SLC44A5: variants seen among roughly 807,000 people sequenced by gnomAD.
The protein encoded by SLC44A5 is solute carrier family 44 member 5, also known as choline transporter-like protein 5.
A neutral mutation model predicts 101.8 loss-of-function variants in SLC44A5; 57 were observed. That is an observed-to-expected ratio of 0.56 (90% CI 0.45 to 0.70). The LOEUF (loss-of-function observed/expected upper bound fraction) is 0.70, where lower values mean the gene tolerates loss of function less well. Among genes scored for constraint, SLC44A5 ranks in the 30% least tolerant of loss-of-function variants. The pLI is 0.00. For synonymous variants in SLC44A5, 281 were observed against 290.9 expected, an observed-to-expected ratio of 0.97 and a Z score of 0.35; for missense variants, 737 against 853.1, an observed-to-expected ratio of 0.86 and a Z score of 1.70.
chr1:75,689,019 C>T, the SLC44A5 span, among the ~76,000 whole-genome samples: 3 of 152,144 alleles, frequency 2.0e-5, 1 homozygote, highest in South Asian at 4.1e-4. Context: ...CTTAAGAATG[C>T]TTTCTTTTGT....
At chr1:75,712,012 T>C in the SLC44A5 span, among the ~76,000 whole-genome samples, 1 of 152,226 alleles carries the variant, frequency 6.6e-6, no homozygotes, top group Admixed American at 6.5e-5. Flanking sequence ...TCTCAAAGGA[T>C]TTTGGCATTT....
chr1:75,213,752 T>A lies in SLC44A5; in HGVS notation c.1915A>T (p.Ile639Phe). 1 of 1,613,210 alleles carries A rather than the reference T, an allele frequency of 6.2e-7. No homozygotes were observed. Among genetic ancestry groups the A allele is most frequent in the Non-Finnish European group, 8.5e-7 (1 of 1,179,346 alleles). The change falls in exon 22 of 24, where the codon ATT becomes TTT. Residue 639 changes from isoleucine (I) to phenylalanine (F), a missense_variant. By Grantham distance (21) the Ile-to-Phe change is conservative. Coordinates refer to ENST00000370859, the MANE Select transcript of SLC44A5 (RefSeq NM_001130058.2). Reference protein sequence around the residue: ...FLFFTQRLPVIAQGPASLNYY... With the variant: ...FLFFTQRLPVFAQGPASLNYY... The stretch of plus-strand genomic sequence containing the variant: ...TTTAAAGATGCTGGTCCTTGTGCAA[T>A]CACTGGCAGTCTTTGTGTGAAGAAT...
the SLC44A5 span, among the ~76,000 whole-genome samples, chr1:75,631,347 T>A: frequency 6.6e-6 from 1 of 152,068 alleles, no homozygotes. Context: ...TGCTAGGGTA[T>A]CTGTGACTTC....
the SLC44A5 span, among the ~76,000 whole-genome samples, chr1:75,671,868 T>C: frequency 6.6e-6 from 1 of 152,246 alleles, no homozygotes; most frequent in African/African-American, 2.4e-5. Flanking sequence ...CTATTTCTTT[T>C]TATTTTCACA....
intron 1 of SLC44A5, among the ~76,000 whole-genome samples, chr1:75,550,062 AGATTATTCT>A (rs967933433): frequency 6.6e-5 from 10 of 152,154 alleles, no homozygotes; most frequent in African/African-American, 2.4e-4. Context: ...CATTTTTAAA[AGATTATTCT>A]GCTGAGTTGA....
upstream of SLC44A5, among the ~76,000 whole-genome samples, chr1:75,614,506 A>G (rs1174867864): frequency 6.6e-6 from 1 of 152,234 alleles, no homozygotes; most frequent in Non-Finnish European, 1.5e-5. Context: ...CGGAGCAATT[A>G]AAAAGCAAGC....
chr1:75,573,181 C>G (rs10874366), intron 1 of SLC44A5, among the ~76,000 whole-genome samples: 1 of 110,580 alleles, frequency 9.0e-6, no homozygotes, highest in African/African-American at 4.3e-5. Context: ...GGTACTAAAG[C>G]AAGAAATAAT....
the SLC44A5 span, among the ~76,000 whole-genome samples, chr1:75,665,366 T>C: frequency 9.2e-5 from 14 of 152,156 alleles, no homozygotes; most frequent in Non-Finnish European, 1.5e-4. Context: ...GAACTCTCTA[T>C]TCAATAAATG....
At chr1:75,440,824 C>A (rs1025686778) in intron 2 of SLC44A5, among the ~76,000 whole-genome samples, 2 of 151,930 alleles carry the variant, frequency 1.3e-5, no homozygotes, top group Non-Finnish European at 2.9e-5. Context: ...AATAGTACTT[C>A]ACTGAAGGAA....
intron 2 of SLC44A5, among the ~76,000 whole-genome samples, chr1:75,399,540 T>C (rs2101423227): frequency 6.6e-6 from 1 of 152,272 alleles, no homozygotes. Context: ...GATTAGACCC[T>C]GATTTGGACA....
At chr1:75,224,995 G>T (rs1029003371) in intron 13 of SLC44A5, among the ~76,000 whole-genome samples, 1 of 152,078 alleles carries the variant, frequency 6.6e-6, no homozygotes, top group East Asian at 1.9e-4. Flanking sequence ...TAAATTTATT[G>T]TAGCCTACAT....
At chr1:75,662,693 G>T in the SLC44A5 span, among the ~76,000 whole-genome samples, 1 of 151,892 alleles carries the variant, frequency 6.6e-6, no homozygotes, top group Non-Finnish European at 1.5e-5. Context: ...ACCCATCCAG[G>T]GTTTTTGCCT....
At chr1:75,692,748 T>C in the SLC44A5 span, among the ~76,000 whole-genome samples, 1 of 152,050 alleles carries the variant, frequency 6.6e-6, no homozygotes, top group Non-Finnish European at 1.5e-5. Context: ...TAGGTAGGTT[T>C]GAAAAGAGAA....
the SLC44A5 span, among the ~76,000 whole-genome samples, chr1:75,663,800 A>T: frequency 6.6e-6 from 1 of 152,132 alleles, no homozygotes; most frequent in African/African-American, 2.4e-5. Flanking sequence ...CTTCCCTAAC[A>T]TATCCTATGA....
intron 2 of SLC44A5, among the ~76,000 whole-genome samples, chr1:75,419,319 A>G (rs1663856742): frequency 6.6e-6 from 1 of 152,134 alleles, no homozygotes; most frequent in Non-Finnish European, 1.5e-5. Flanking sequence ...ATATAATCAA[A>G]TTGATGAAAA....
intron 2 of SLC44A5, among the ~76,000 whole-genome samples, chr1:75,509,750 C>G (rs2101866239): frequency 6.6e-6 from 1 of 152,290 alleles, no homozygotes; most frequent in South Asian, 2.1e-4. Context: ...GCCTGAGAAC[C>G]TCAGTCCCTA....
At chr1:75,664,070 C>T in the SLC44A5 span, among the ~76,000 whole-genome samples, 1 of 152,164 alleles carries the variant, frequency 6.6e-6, no homozygotes, top group East Asian at 1.9e-4. Flanking sequence ...CTGATTATTT[C>T]AATAGACACA....
intron 2 of SLC44A5, among the ~76,000 whole-genome samples, chr1:75,515,118 C>T (rs991456460): frequency 1.3e-5 from 2 of 151,928 alleles, no homozygotes; most frequent in Non-Finnish European, 2.9e-5. Context: ...CTATTTTCTC[C>T]GTTTTTGGTT....
chr1:75,530,638 T>C (rs1177152685), intron 2 of SLC44A5, among the ~76,000 whole-genome samples: 1 of 152,238 alleles, frequency 6.6e-6, no homozygotes, highest in African/African-American at 2.4e-5. Flanking sequence ...TTGATATTTC[T>C]TCTTTGTTTA....
Sources: gnomAD v4.1 joint callset for allele counts (sites outside exome capture counted in the v4.1 genomes callset) on GRCh38, gnomAD v4.1.1 for gene constraint, MANE v1.5 for transcripts, NCBI Gene and HGNC (gene_info 2026-07-23, HGNC 2026-07-21) for gene names.